FAXC: variants seen among roughly 807,000 people sequenced by gnomAD.
FAXC encodes the protein failed axon connections homolog.
A neutral mutation model predicts 41.9 loss-of-function variants in FAXC; 10 were observed. The ratio of observed to expected loss-of-function variants is 0.24; its 90% confidence interval spans 0.15 to 0.41. FAXC has a LOEUF of 0.41. Ranked by LOEUF, FAXC falls within the 10% of genes least tolerant of loss-of-function variation. FAXC has a pLI of 1.00. For synonymous variants in FAXC, 183 were observed against 183.8 expected (o/e 1.00, Z 0.03); for missense variants, 399 against 510.9 (o/e 0.78, Z 2.11).
intron 4 of FAXC, among the ~76,000 whole-genome samples, chr6:99,294,873 T>C (rs1161915448): frequency 6.6e-6 from 1 of 152,198 alleles, no homozygotes; most frequent in Non-Finnish European, 1.5e-5. Flanking sequence ...ATATAATGTC[T>C]GGCCAAAATT....
chr6:99,332,304 G>A (rs1336562945), intron 3 of FAXC, among the ~76,000 whole-genome samples: 2 of 152,194 alleles, frequency 1.3e-5, no homozygotes, highest in African/African-American at 4.8e-5. Flanking sequence ...ATATCACTCA[G>A]CGGGAGAGGT....
rs1773702881 is a variant in FAXC at position 99,349,188 on chromosome 6, C to A, written c.185G>T (p.Trp62Leu). 1.9e-6 allele frequency: 3 copies of A among 1,613,926 alleles called. No individual in the cohort carries two copies. The East Asian group carries it at 6.7e-5, about 36-fold the overall frequency. The part of the protein sequence containing the change: ...GIMAGLGSDP[W>L]WKKTLYLTGG... ...GGTCAAGTAAAGGGTTTTCTTCCACCAGGGATCGGAGCCCAGCCCTGCCAT... is the reference window on the plus strand; with the variant it reads ...GGTCAAGTAAAGGGTTTTCTTCCACAAGGGATCGGAGCCCAGCCCTGCCAT... The change falls in exon 1 of 6, where the codon TGG (tryptophan) becomes TTG (leucine). Residue 62 changes from tryptophan to leucine, a missense_variant. Trp to Leu is a moderately conservative substitution (Grantham distance 61, BLOSUM62 -2). This residue lies in a region of FAXC where 239 missense variants were observed against 352.7 expected (regional missense o/e 0.68). Transcript: ENST00000389677.
intron 3 of FAXC, among the ~76,000 whole-genome samples, chr6:99,331,481 T>C (rs1460542521): frequency 6.6e-6 from 1 of 151,936 alleles, no homozygotes; most frequent in Admixed American, 6.6e-5. Context: ...TAGCAAGGAG[T>C]AAAGTTATGT....
chr6:99,285,386 T>C (rs1043242548), intron 5 of FAXC, among the ~76,000 whole-genome samples: 1 of 152,212 alleles, frequency 6.6e-6, no homozygotes, highest in African/African-American at 2.4e-5. Flanking sequence ...GTTAAAATGA[T>C]ATGATATTCT....
At chr6:99,331,817 A>T (rs1773036414) in intron 3 of FAXC, among the ~76,000 whole-genome samples, 1 of 152,212 alleles carries the variant, frequency 6.6e-6, no homozygotes, top group Non-Finnish European at 1.5e-5. Context: ...GGAGCCTAGT[A>T]AGCAAGTGTG....
In FAXC at chr6:99,324,422, A is replaced by G. The variant is rs140084725; in HGVS notation, c.600-755T>C. Among the ~76,000 whole-genome samples the G allele has an allele frequency of 3.6e-3, 554 of 152,220 alleles. 3 individuals are homozygous for G. The highest frequency in any genetic ancestry group is 0.013 in the African/African-American group (535 of 41,536). ...GTAAGTGCACCTGTCCATCTTTATT[A>G]TAAATTAAAATATTATGTAAATGAT... is the stretch of plus-strand genomic sequence containing the variant. On this transcript the variant is annotated intron_variant, in intron 3 of 5. Coordinates refer to ENST00000389677, the MANE Select transcript of FAXC (RefSeq NM_032511.4).
chr6:99,323,579 G>C lies in FAXC; in HGVS notation c.688C>G (p.Leu230Val). Reference protein sequence around the residue: ...LSGGGPFSNLLRWVVCHITKG... With the variant: ...LSGGGPFSNLVRWVVCHITKG... ...GTTATGTGGCACACAACCCACCTCA[G>C]CAGGTTGCTGAAGGGACCACCACCA... Residue 230 changes from leucine (L) to valine (V), a missense_variant, in exon 4 of 6, where the codon CTG (leucine) becomes GTG (valine). By Grantham distance (32) the Leu-to-Val change is conservative. This residue lies in a region of FAXC where 239 missense variants were observed against 352.7 expected (regional missense o/e 0.68). Transcript: ENST00000389677. The C allele has an allele frequency of 6.2e-7, 1 of 1,614,188 alleles. No homozygotes were observed. The highest frequency in any genetic ancestry group is 1.1e-5 in the South Asian group (1 of 91,074).
At chr6:99,340,877 C>T (rs1773403816) in intron 2 of FAXC, among the ~76,000 whole-genome samples, 1 of 152,002 alleles carries the variant, frequency 6.6e-6, no homozygotes, top group Non-Finnish European at 1.5e-5. Context: ...CCATGTTGGT[C>T]AGGCTGGTCT....
chr6:99,289,091 A>T (rs570120534), intron 5 of FAXC, among the ~76,000 whole-genome samples: 2 of 152,300 alleles, frequency 1.3e-5, no homozygotes, highest in African/African-American at 4.8e-5. Flanking sequence ...TCTATGTGCT[A>T]TTCTACTGGT....
In FAXC at chr6:99,290,675, C is replaced by G. The variant is rs553048930; in HGVS notation, c.940+1029G>C. On this transcript the variant is annotated intron_variant, in intron 5 of 5. Transcript: ENST00000389677. Reference sequence around the variant, plus strand: ...CAAGATTGCACCACTGCACTCCAGCCTGGGTGACAGAGCAAGACCCTGTCT... The same window carrying G: ...CAAGATTGCACCACTGCACTCCAGCGTGGGTGACAGAGCAAGACCCTGTCT... Among the ~76,000 whole-genome samples, 5 of 151,564 alleles carry G rather than the reference C, an allele frequency of 3.3e-5. No individual in the cohort carries two copies. The East Asian group carries it at 9.8e-4, about 30-fold the overall frequency.
At position 99,323,692 on chromosome 6, in the gene FAXC, C is replaced by T. The variant is rs1772677817; in HGVS notation, c.600-25G>A. On this transcript the variant is annotated intron_variant, in intron 3 of 5. Coordinates refer to ENST00000389677, the MANE Select transcript of FAXC (RefSeq NM_032511.4). Reference sequence around the variant, plus strand: ...CCTGGAATTGTGTGGAAACAAGTTACTACTGTGCATCAGGTACATATCAGC... The same window carrying T: ...CCTGGAATTGTGTGGAAACAAGTTATTACTGTGCATCAGGTACATATCAGC... The T allele has an allele frequency of 1.9e-6, 3 of 1,577,376 alleles. No individual in the cohort carries two copies. The South Asian group carries it at 3.3e-5, about 18-fold the overall frequency.
At position 99,279,595 on chromosome 6, in the gene FAXC, C is replaced by T. The variant is rs1045066925; in HGVS notation, c.*1569G>A. The T allele has an allele frequency of 1.3e-5, 2 of 152,058 alleles. No homozygotes were observed. 9.4% of individuals were successfully genotyped at this position (152,058 alleles called of 1,614,324 possible). A position where few individuals can be genotyped will look rare whatever the true frequency, so the allele number is the denominator to read the frequency against. ...AGCAGTTTTGTTTGCAATTGTAAAT[C>T]TTGGCTCTCCTAGCCCAAATCTCAC... On this transcript the variant is annotated 3_prime_UTR_variant, in exon 6 of 6. Transcript: ENST00000389677.
intron 1 of FAXC, among the ~76,000 whole-genome samples, 178 bp from the exon 2 acceptor site, chr6:99,343,211 C>A (rs543599071): frequency 6.6e-6 from 1 of 152,162 alleles, no homozygotes; most frequent in Non-Finnish European, 1.5e-5. Context: ...TCACCCAGCA[C>A]TCATGGAAGC....
intron 3 of FAXC, among the ~76,000 whole-genome samples, chr6:99,330,901 G>A (rs1211295314): frequency 6.6e-6 from 1 of 152,190 alleles, no homozygotes; most frequent in Non-Finnish European, 1.5e-5. Context: ...GGAGGTGCCT[G>A]AGGGAAGAGT....
chr6:99,329,308 G>A (rs1772941785), intron 3 of FAXC, among the ~76,000 whole-genome samples: 1 of 152,176 alleles, frequency 6.6e-6, no homozygotes, highest in Admixed American at 6.5e-5. Context: ...GCTCAAAAAT[G>A]TTTACAGGTG....
intron 5 of FAXC, 146 bp from the exon 6 acceptor site, chr6:99,281,599 C>CGTTT: frequency 1.5e-6 from 1 of 681,724 alleles, no homozygotes; most frequent in Non-Finnish European, 2.5e-6. Context: ...AGAGGTGGTT[C>CGTTT]GTTCATGAGG....
intron 5 of FAXC, among the ~76,000 whole-genome samples, chr6:99,287,674 G>A (rs912962858): frequency 4.6e-5 from 7 of 152,264 alleles, no homozygotes; most frequent in African/African-American, 1.4e-4. Flanking sequence ...GCCTGAATCC[G>A]AGCCACTTAC....
intron 4 of FAXC, among the ~76,000 whole-genome samples, chr6:99,315,956 G>A (rs1191085550): frequency 2.0e-5 from 3 of 152,108 alleles, no homozygotes; most frequent in Non-Finnish European, 4.4e-5. Flanking sequence ...CTTTTCCCAT[G>A]AGATAGCTGC....
chr6:99,318,260 AAC>A lies in FAXC; in HGVS notation c.823+5182_823+5183del, dbSNP rs71021723. On this transcript the variant is annotated intron_variant, in intron 4 of 5. Transcript: ENST00000389677. ...GGCGACAGAGCAAGACTCCGTCTCA[AAC>A]ACACACACACACACACACACACACA... is the stretch of plus-strand genomic sequence containing the variant. 3.0e-3 allele frequency among the ~76,000 whole-genome samples: 197 copies of A among 64,782 alleles called. 3 individuals carry two copies. The highest frequency in any genetic ancestry group is 0.01 in the Middle Eastern group (1 of 96). The allele number at this position is 64,782 out of a possible 152,430, so 42.5% of individuals were successfully genotyped here.
Sources: allele counts gnomAD v4.1 joint callset (sites outside exome capture counted in the v4.1 genomes callset), GRCh38; gene constraint gnomAD v4.1.1; regional missense constraint gnomAD v4.1.1; transcripts MANE v1.5; gene names NCBI Gene and HGNC (gene_info 2026-07-23, HGNC 2026-07-21).